POSTN: variants seen among roughly 807,000 people sequenced by gnomAD.
POSTN encodes periostin, also known as osteoblast specific factor 2 (fasciclin I-like).
Under a neutral mutation model 104.5 loss-of-function variants are expected in POSTN, and 71 were observed. The ratio of observed to expected loss-of-function variants is 0.68; its 90% CI spans 0.56 to 0.83. The LOEUF is 0.83. POSTN is among the 40% of genes least tolerant of loss of function. POSTN has a pLI of 0.00. For synonymous variants in POSTN, 355 were observed against 340.7 expected (o/e 1.04, Z -0.46); for missense variants, 949 against 1,006.8 (o/e 0.94, Z 0.78).
intron 3 of POSTN, among the ~76,000 whole-genome samples, chr13:37,590,754 A>T (rs1950905971): frequency 1.3e-5 from 2 of 152,142 alleles, no homozygotes; most frequent in African/African-American, 2.4e-5. Context: ...AGGAAAAAAA[A>T]ATTTAAACTG....
Position 37,579,336 on chromosome 13 carries a change from T to C in POSTN, c.1684A>G (p.Ile562Val), listed in dbSNP as rs1566020565. 3 of 1,589,686 alleles carry C rather than the reference T, an allele frequency of 1.9e-6. No individual in the cohort carries two copies. Among genetic ancestry groups the C allele is most frequent in the African/African-American group, 1.3e-5 (1 of 74,452 alleles). ...CCTGGTGTCAGGTGATAAAGAATGA[T>C]GTTTTGAAGAGCATTTTTGTCCCCT... ...LIRDKNALQN[I>V]ILYHLTPGVF... Residue 562 changes from isoleucine (I) to valine (V), a missense_variant, in exon 13 of 23, where the codon ATC becomes GTC. Ile to Val is a conservative substitution (Grantham distance 29). Coordinates refer to ENST00000379747, the MANE Select transcript of POSTN (RefSeq NM_006475.3).
At chr13:37,580,799 G>C in intron 10 of POSTN, 102 bp from the exon 11 acceptor site, 3 of 1,454,832 alleles carry the variant, frequency 2.1e-6, no homozygotes, top group Non-Finnish European at 2.8e-6. Flanking sequence ...CCTTCTGAGA[G>C]GTTGCCTGGT....
rs368289643 is a variant in POSTN, at chr13:37,570,676, G to A, written c.2180-7C>T. On this transcript the variant is annotated splice_region_variant and splice_polypyrimidine_tract_variant and intron_variant, in intron 18 of 22. Coordinates refer to ENST00000379747, the MANE Select transcript of POSTN (RefSeq NM_006475.3). ...TATTTTTTAATAATTGGCTCTAAAA[G>A]CAGGGGAATACAAATGCATTTGATT... The A allele has an allele frequency of 1.3e-6, 2 of 1,565,364 alleles. No individual in the cohort carries two copies. The highest frequency in any genetic ancestry group is 1.8e-6 in the Non-Finnish European group (2 of 1,136,640).
intron 18 of POSTN, chr13:37,570,922 G>A: frequency 2.7e-6 from 1 of 375,364 alleles, no homozygotes; most frequent in Non-Finnish European, 4.8e-6. Flanking sequence ...CTTGTTTTCT[G>A]GATGTGGAAT....
At chr13:37,586,352 T>G (rs1950745309) in intron 6 of POSTN, 72 bp from the exon 7 acceptor site, 2 of 1,477,200 alleles carry the variant, frequency 1.4e-6, no homozygotes, top group Admixed American at 2.1e-5. Context: ...ACACTTAGCC[T>G]AGGCTGACAT....
At position 37,597,183 on chromosome 13, in the gene POSTN, C is replaced by T. The variant is rs770657369; in HGVS notation, c.218+1G>A. The T allele has an allele frequency of 8.5e-6, 13 of 1,531,730 alleles. No individual in the cohort carries two copies. Among genetic ancestry groups the T allele is most frequent in the South Asian group, 1.3e-5 (1 of 79,498 alleles). 94.9% of individuals were successfully genotyped at this position (1,531,730 alleles called of 1,614,324 possible). Reference sequence around the variant, plus strand: ...TATTATGAAAAAAAAAAGAGACTTACGTTTTCTGTCCACAGATGGACTTTT... The same window carrying T: ...TATTATGAAAAAAAAAAGAGACTTATGTTTTCTGTCCACAGATGGACTTTT... On this transcript the variant is annotated splice_donor_variant, in intron 2 of 22. Coordinates refer to ENST00000379747, the MANE Select transcript of POSTN (RefSeq NM_006475.3). LOFTEE classifies it high-confidence loss of function.
Position 37,563,112 on chromosome 13 carries a change from T to C in POSTN, c.*221A>G. 2.9e-6 allele frequency: 1 copy of C among 347,216 alleles called. No individual in the cohort carries two copies. The highest frequency in any genetic ancestry group is 5.2e-6 in the Non-Finnish European group (1 of 193,160). 21.5% of individuals were successfully genotyped at this position (347,216 alleles called of 1,614,324 possible). ...CAAGATGAAAAAGGGTGTAAGGTGT[T>C]ATATTTTCTTCAATTCCTTTACCAC... On this transcript the variant is annotated 3_prime_UTR_variant, in exon 23 of 23. Transcript: ENST00000379747.
At position 37,562,838 on chromosome 13, in the gene POSTN, C is replaced by T. The variant is rs368664913; in HGVS notation, c.*495G>A. On this transcript the variant is annotated 3_prime_UTR_variant, in exon 23 of 23. Coordinates refer to ENST00000379747, the MANE Select transcript of POSTN (RefSeq NM_006475.3). ...AAAAATAACATAATTTACCAGTAAA[C>T]CCACTCATATAGAAATGTGCAAAGC... 4 of 152,234 alleles carry T rather than the reference C, an allele frequency of 2.6e-5. No individual in the cohort carries two copies. Among genetic ancestry groups the T allele is most frequent in the South Asian group, 4.1e-4 (2 of 4,828 alleles). 9.4% of individuals were successfully genotyped at this position (152,234 alleles called of 1,614,324 possible).
chr13:37,579,427 C>T, intron 12 of POSTN, 68 bp from the exon 13 acceptor site: 1 of 1,237,892 alleles, frequency 8.1e-7, no homozygotes, highest in Non-Finnish European at 1.1e-6. Context: ...AGAAACAAAA[C>T]ACTTATTAGT....
intron 1 of POSTN, 55 bp from the exon 2 acceptor site, chr13:37,597,337 C>A: frequency 1.7e-6 from 2 of 1,157,752 alleles, no homozygotes; most frequent in Non-Finnish European, 2.5e-6. Flanking sequence ...ACTAGTTTTT[C>A]GTATCTAAAG....
intron 18 of POSTN, chr13:37,570,893 C>T: frequency 2.2e-6 from 1 of 455,666 alleles, no homozygotes. Context: ...CATTTGACAT[C>T]CTAACTCTCC....
chr13:37,588,749 T>C (rs1279709547), intron 4 of POSTN, among the ~76,000 whole-genome samples: 8 of 152,244 alleles, frequency 5.3e-5, no homozygotes, highest in Middle Eastern at 3.4e-3. Context: ...TTTATGTTTC[T>C]CAGATAATAC....
chr13:37,591,871 T>C (rs1235772906), intron 3 of POSTN, among the ~76,000 whole-genome samples: 1 of 152,184 alleles, frequency 6.6e-6, no homozygotes, highest in African/African-American at 2.4e-5. Context: ...CTGAACTAAT[T>C]TAAATTTGTG....
In POSTN at chr13:37,579,365, G is replaced by C. The variant is rs754898067; in HGVS notation, c.1661-6C>G. 1.3e-6 allele frequency: 2 copies of C among 1,555,784 alleles called. No individual in the cohort carries two copies. Among genetic ancestry groups the C allele is most frequent in the Non-Finnish European group, 8.8e-7 (1 of 1,131,366 alleles). On this transcript the variant is annotated splice_region_variant and splice_polypyrimidine_tract_variant and intron_variant, in intron 12 of 22. Coordinates refer to ENST00000379747, the MANE Select transcript of POSTN (RefSeq NM_006475.3). ...TTGAAGAGCATTTTTGTCCCCTAGG[G>C]GAAAATATATGTTTATTTTTATTGA...
At chr13:37,591,835 TAA>T (rs1274603461) in intron 3 of POSTN, among the ~76,000 whole-genome samples, 2 of 152,214 alleles carry the variant, frequency 1.3e-5, no homozygotes, top group Non-Finnish European at 2.9e-5. Flanking sequence ...CAGGATTTTG[TAA>T]AGAGTTTTGT....
intron 21 of POSTN, among the ~76,000 whole-genome samples, chr13:37,568,066 C>A (rs1230943801): frequency 6.6e-6 from 1 of 151,704 alleles, no homozygotes; most frequent in Non-Finnish European, 1.5e-5. Context: ...CCCTCAAATC[C>A]TTAGATTTTT....
At chr13:37,588,471 T>C (rs914212190) in intron 4 of POSTN, among the ~76,000 whole-genome samples, 1 of 152,174 alleles carries the variant, frequency 6.6e-6, no homozygotes, top group African/African-American at 2.4e-5. Flanking sequence ...CTTTACTCAA[T>C]GCTATGGGAA....
In POSTN at chr13:37,598,081, C is replaced by T. The variant is rs143073713; in HGVS notation, c.119+527G>A. On this transcript the variant is annotated intron_variant, in intron 1 of 22. Coordinates refer to ENST00000379747, the MANE Select transcript of POSTN (RefSeq NM_006475.3). ...CATTAGTTCTATAAAATATAAATTA[C>T]CTTTGCAAATTTTACAGAATTCAGA... 7.0e-3 allele frequency among the ~76,000 whole-genome samples: 1,059 copies of T among 152,160 alleles called. 11 individuals are homozygous for T. Among genetic ancestry groups the T allele is most frequent in the African/African-American group, 0.024 (995 of 41,526 alleles).
chr13:37,583,016 G>T (rs1036128121), intron 9 of POSTN, among the ~76,000 whole-genome samples: 1 of 152,034 alleles, frequency 6.6e-6, no homozygotes, highest in African/African-American at 2.4e-5. Context: ...CAATTTTTTT[G>T]ATTAATAGTT....
Sources: gnomAD v4.1 joint callset for allele counts (sites outside exome capture counted in the v4.1 genomes callset) on GRCh38, gnomAD v4.1.1 for gene constraint, MANE v1.5 for transcripts, NCBI Gene and HGNC (gene_info 2026-07-23, HGNC 2026-07-21) for gene names.